The following SUGCT variants were observed in gnomAD, a reference collection of about 807,000 sequenced individuals.
SUGCT encodes the protein succinyl-CoA:glutarate-CoA transferase.
A neutral mutation model predicts 55.0 loss-of-function variants in SUGCT; 41 were observed. The observed-to-expected ratio is 0.74, with a 90% CI of 0.58 to 0.97. The LOEUF (loss-of-function observed/expected upper bound fraction) is 0.97, where lower values mean the gene tolerates loss of function less well. SUGCT is among the 50% of genes least tolerant of loss of function. The pLI, the probability that SUGCT is intolerant of heterozygous loss-of-function variation, is 0.00. For synonymous variants in SUGCT, 187 were observed against 200.4 expected, an observed-to-expected ratio of 0.93 and a Z score of 0.56; for missense variants, 568 against 547.8, an observed-to-expected ratio of 1.04 and a Z score of -0.37.
At chr7:40,453,019 T>C (rs1369398205) in intron 10 of SUGCT, among the ~76,000 whole-genome samples, 1 of 152,194 alleles carries the variant, frequency 6.6e-6, no homozygotes, top group Non-Finnish European at 1.5e-5. Context: ...TAGTTGAACC[T>C]GAAACCTGGA....
At chr7:40,742,423 G>A (rs140896988) in intron 12 of SUGCT, among the ~76,000 whole-genome samples, 1 of 152,258 alleles carries the variant, frequency 6.6e-6, no homozygotes, top group Admixed American at 6.5e-5. Flanking sequence ...GATGGTTTCA[G>A]GATGATTCAA....
chr7:40,503,188 C>T (rs796387746), intron 12 of SUGCT, among the ~76,000 whole-genome samples: 5 of 152,160 alleles, frequency 3.3e-5, no homozygotes, highest in African/African-American at 9.6e-5. Flanking sequence ...GATTGAGAGA[C>T]ATAAAAGGTT....
intron 12 of SUGCT, among the ~76,000 whole-genome samples, chr7:40,554,998 C>T (rs1056347940): frequency 1.3e-5 from 2 of 152,176 alleles, no homozygotes; most frequent in African/African-American, 4.8e-5. Context: ...ACTGCTATTC[C>T]TTCATAAACT....
At chr7:40,721,455 C>G (rs933094679) in intron 12 of SUGCT, among the ~76,000 whole-genome samples, 6 of 152,190 alleles carry the variant, frequency 3.9e-5, no homozygotes, top group Admixed American at 2.6e-4. Context: ...GAGGATCTCA[C>G]TGTGAGACAT....
chr7:40,141,654 A>G (rs1253463333), intron 1 of SUGCT, among the ~76,000 whole-genome samples: 2 of 150,324 alleles, frequency 1.3e-5, no homozygotes, highest in Admixed American at 6.6e-5. Flanking sequence ...AAAAAAAAAA[A>G]GTGTGCTTCT....
At chr7:40,513,783 A>ATTTTTTTT (rs869065628) in intron 12 of SUGCT, among the ~76,000 whole-genome samples, 3 of 103,992 alleles carry the variant, frequency 2.9e-5, no homozygotes, top group African/African-American at 1.1e-4. Context: ...TCAGGGAAGT[A>ATTTTTTTT]TTTTTTTTTT....
At chr7:40,736,232 A>G (rs1331850309) in intron 12 of SUGCT, among the ~76,000 whole-genome samples, 1 of 68,424 alleles carries the variant, frequency 1.5e-5, no homozygotes, top group Non-Finnish European at 2.5e-5. Context: ...ATAATATATC[A>G]ATATATAATA....
chr7:40,709,466 G>T (rs1425556698), intron 12 of SUGCT, among the ~76,000 whole-genome samples: 1 of 152,220 alleles, frequency 6.6e-6, no homozygotes, highest in East Asian at 1.9e-4. Flanking sequence ...GCAAAGTCTA[G>T]CCTTGGTCTG....
chr7:40,192,839 G>A (rs1293286422), intron 5 of SUGCT, among the ~76,000 whole-genome samples: 1 of 150,248 alleles, frequency 6.7e-6, no homozygotes, highest in African/African-American at 2.5e-5. Context: ...CACCGTGTAG[G>A]TCAGGCTGGT....
At chr7:40,955,282 T>C in the SUGCT span, among the ~76,000 whole-genome samples, 24 of 152,312 alleles carry the variant, frequency 1.6e-4, no homozygotes, top group Non-Finnish European at 3.2e-4. Context: ...ATGGAATGTT[T>C]TTCCATTTGT....
chr7:41,034,376 T>C, the SUGCT span, among the ~76,000 whole-genome samples: 1 of 152,210 alleles, frequency 6.6e-6, no homozygotes, highest in African/African-American at 2.4e-5. Context: ...TCATTACCTC[T>C]GGGCCAGACT....
intron 11 of SUGCT, among the ~76,000 whole-genome samples, chr7:40,495,973 G>T (rs986825241): frequency 6.6e-6 from 1 of 152,018 alleles, no homozygotes; most frequent in Non-Finnish European, 1.5e-5. Flanking sequence ...ATGACTTCAC[G>T]CTCAAAGTAC....
intron 9 of SUGCT, among the ~76,000 whole-genome samples, chr7:40,367,382 A>G (rs1368825695): frequency 2.6e-5 from 4 of 151,832 alleles, no homozygotes; most frequent in Non-Finnish European, 4.4e-5. Context: ...TAACCTGCAC[A>G]TTTTGCACCT....
At chr7:40,788,852 G>C (rs558981402) in intron 13 of SUGCT, among the ~76,000 whole-genome samples, 1 of 152,210 alleles carries the variant, frequency 6.6e-6, no homozygotes, top group African/African-American at 2.4e-5. Context: ...GAAAATTCTT[G>C]GATTCTATCT....
At chr7:40,835,826 T>C (rs1354475227) in intron 13 of SUGCT, among the ~76,000 whole-genome samples, 1 of 152,146 alleles carries the variant, frequency 6.6e-6, no homozygotes, top group Admixed American at 6.5e-5. Context: ...TCCAATTGGT[T>C]AGGAAAATAT....
At chr7:40,802,485 A>G (rs918780500) in intron 13 of SUGCT, among the ~76,000 whole-genome samples, 2 of 152,164 alleles carry the variant, frequency 1.3e-5, no homozygotes, top group African/African-American at 4.8e-5. Flanking sequence ...TTCATTATGG[A>G]TAAGATTTTC....
At chr7:41,035,911 C>G in the SUGCT span, among the ~76,000 whole-genome samples, 2 of 152,308 alleles carry the variant, frequency 1.3e-5, no homozygotes, top group Admixed American at 6.5e-5. Context: ...GGACCAGGAT[C>G]AGGCTCCCTT....
intron 8 of SUGCT, among the ~76,000 whole-genome samples, chr7:40,284,251 G>A (rs1793165276): frequency 1.3e-5 from 2 of 151,994 alleles, no homozygotes; most frequent in South Asian, 4.2e-4. Flanking sequence ...TAGAGTTAAT[G>A]TGTACTTTAA....
At chr7:40,832,899 C>T (rs1241585521) in intron 13 of SUGCT, among the ~76,000 whole-genome samples, 2 of 152,104 alleles carry the variant, frequency 1.3e-5, no homozygotes, top group Admixed American at 6.5e-5. Flanking sequence ...TGGTCTCGAT[C>T]TCCTGACCTT....
Sources: gnomAD v4.1 joint callset for allele counts (sites outside exome capture counted in the v4.1 genomes callset) on GRCh38, gnomAD v4.1.1 for gene constraint, MANE v1.5 for transcripts, NCBI Gene and HGNC (gene_info 2026-07-23, HGNC 2026-07-21) for gene names.